The following CLASP1 variants were observed in gnomAD, a reference collection of about 807,000 sequenced individuals.
The protein encoded by CLASP1 is cytoplasmic linker associated protein 1.
Under a neutral mutation model 192.3 loss-of-function variants are expected in CLASP1, and 38 were observed. The ratio of observed to expected loss-of-function variants is 0.20; its 90% CI spans 0.15 to 0.26. CLASP1 has a LOEUF of 0.26. Among genes scored for constraint, CLASP1 ranks in the 10% least tolerant of loss-of-function variants. CLASP1 has a pLI of 1.00. For synonymous variants in CLASP1, 691 were observed against 712.8 expected, an observed-to-expected ratio of 0.97 and a Z score of 0.49; for missense variants, 1,433 against 1,932.5, an observed-to-expected ratio of 0.74 and a Z score of 4.85.
rs71398038 is a variant in CLASP1 at position 121,633,007 on chromosome 2, C to CATATATATATATATAT, written c.-286+16349_-286+16364dup. On this transcript the variant is annotated intron_variant, in intron 1 of 39. Coordinates refer to ENST00000263710, the Ensembl canonical transcript of CLASP1. ...GTGTGTATATATATGTATGTGTGTG[C>CATATATATATATATAT]ATATATATATATATATATATAGGCT... 6.4e-4 allele frequency among the ~76,000 whole-genome samples: 74 copies of CATATATATATATATAT among 115,554 alleles called. 1 individual carries two copies. Among genetic ancestry groups the CATATATATATATATAT allele is most frequent in the African/African-American group, 2.5e-3 (66 of 26,510 alleles). 75.8% of individuals were successfully genotyped at this position (115,554 alleles called of 152,430 possible). A position where few individuals can be genotyped will look rare whatever the true frequency, so the allele number is the denominator to read the frequency against.
chr2:121,569,712 G>A (rs766450224), intron 2 of CLASP1, among the ~76,000 whole-genome samples: 8 of 152,038 alleles, frequency 5.3e-5, no homozygotes, highest in African/African-American at 1.4e-4. Flanking sequence ...GTGGTGGTGC[G>A]TGCCTGTAGT....
intron 22 of CLASP1, among the ~76,000 whole-genome samples, chr2:121,421,998 G>C (rs2079585347): frequency 6.6e-6 from 1 of 152,206 alleles, no homozygotes; most frequent in African/African-American, 2.4e-5. Flanking sequence ...AAGAGGGAGA[G>C]ACCAGGAAAA....
chr2:121,528,034 C>T (rs1241884519), intron 4 of CLASP1, 144 bp from the exon 5 acceptor site: 35 of 598,884 alleles, frequency 5.8e-5, no homozygotes, highest in Non-Finnish European at 8.1e-5. Flanking sequence ...CGAGAGCATA[C>T]TGGAAAATGA....
At chr2:121,594,609 T>C (rs1453311758) in intron 2 of CLASP1, among the ~76,000 whole-genome samples, 1 of 152,004 alleles carries the variant, frequency 6.6e-6, no homozygotes, top group Admixed American at 6.6e-5. Context: ...GCCAGAATGG[T>C]CTCCATCTCC....
intron 14 of CLASP1, among the ~76,000 whole-genome samples, chr2:121,454,972 A>G (rs1300381627): frequency 6.6e-6 from 1 of 152,248 alleles, no homozygotes; most frequent in African/African-American, 2.4e-5. Context: ...CTAACAAGTC[A>G]AACGAGTAAG....
At chr2:121,455,097 A>C (rs963197382) in intron 14 of CLASP1, among the ~76,000 whole-genome samples, 2 of 152,062 alleles carry the variant, frequency 1.3e-5, no homozygotes. Flanking sequence ...TTCCACTCTA[A>C]CCCCAGGAGA....
intron 8 of CLASP1, among the ~76,000 whole-genome samples, chr2:121,473,505 C>T (rs1157522566): frequency 3.3e-5 from 5 of 152,080 alleles, no homozygotes; most frequent in Admixed American, 1.3e-4. Flanking sequence ...AGCAGTCTAA[C>T]ACACACAACA....
intron 32 of CLASP1, among the ~76,000 whole-genome samples, chr2:121,385,065 A>G (rs554329183): frequency 3.9e-5 from 6 of 151,990 alleles, no homozygotes; most frequent in South Asian, 2.1e-4. Context: ...AGATCTGTCT[A>G]TCTGTCTGTA....
Position 121,425,095 on chromosome 2 carries a change from G to A in CLASP1, c.2212+44C>T, listed in dbSNP as rs74384119. 6.2e-4 allele frequency: 966 copies of A among 1,546,554 alleles called. 13 individuals carry two copies. In the East Asian group the frequency reaches 0.019, roughly 31 times the overall value. On this transcript the variant is annotated intron_variant, in intron 22 of 39. Coordinates refer to ENST00000263710, the Ensembl canonical transcript of CLASP1. ...GTCATTAGATTATAATCAAAACTAT[G>A]ACCAAGCTGGGAATGGTATTCCAAG...
At chr2:121,348,298 C>G (rs1273059546) in intron 38 of CLASP1, among the ~76,000 whole-genome samples, 1 of 152,176 alleles carries the variant, frequency 6.6e-6, no homozygotes, top group Non-Finnish European at 1.5e-5. Context: ...CTGTGAGCTG[C>G]CAGGAAAGCA....
At chr2:121,338,082 T>G (rs2062485728) in exon 40 of CLASP1, 1 of 152,400 alleles carries the variant, frequency 6.6e-6, no homozygotes, top group Admixed American at 6.5e-5. Flanking sequence ...TTTCCAAACA[T>G]TATTGTTAGC....
At chr2:121,346,198 G>A (rs1423475117) in intron 39 of CLASP1, among the ~76,000 whole-genome samples, 1 of 152,192 alleles carries the variant, frequency 6.6e-6, no homozygotes, top group Non-Finnish European at 1.5e-5. Context: ...AAAAAGGTGG[G>A]GATTTTAAAC....
At chr2:121,610,570 G>T (rs1442877291) in intron 1 of CLASP1, among the ~76,000 whole-genome samples, 1 of 149,484 alleles carries the variant, frequency 6.7e-6, no homozygotes, top group East Asian at 2.0e-4. Flanking sequence ...GGAGTTACAG[G>T]AGGAAGAGGA....
At chr2:121,444,847 G>T in intron 19 of CLASP1, 3 of 753,986 alleles carry the variant, frequency 4.0e-6, no homozygotes, top group Non-Finnish European at 6.2e-6. Flanking sequence ...CAGGGACCTT[G>T]GTGAGGACAA....
intron 6 of CLASP1, among the ~76,000 whole-genome samples, chr2:121,519,507 T>C (rs910989367): frequency 6.6e-6 from 1 of 152,278 alleles, no homozygotes; most frequent in East Asian, 1.9e-4. Flanking sequence ...GTTAAAAATA[T>C]AAGTCTCCCA....
At chr2:121,630,860 CAAA>C (rs35476221) in intron 1 of CLASP1, among the ~76,000 whole-genome samples, 6 of 78,436 alleles carry the variant, frequency 7.6e-5, no homozygotes, top group African/African-American at 7.2e-5. Context: ...AACTACGTCT[CAAA>C]AAAAAAAAAA....
chr2:121,427,341 T>TG (rs1447993295), intron 21 of CLASP1, 63 bp downstream of exon 21: 7 of 1,569,336 alleles, frequency 4.5e-6, no homozygotes, highest in Non-Finnish European at 6.1e-6. Context: ...GCAAGGAACA[T>TG]GGGGTCGGGG....
intron 21 of CLASP1, among the ~76,000 whole-genome samples, chr2:121,426,312 A>G (rs2080369496): frequency 6.6e-6 from 1 of 152,228 alleles, no homozygotes; most frequent in African/African-American, 2.4e-5. Context: ...TTATGAAAGA[A>G]TAATTGTCCA....
intron 7 of CLASP1, among the ~76,000 whole-genome samples, chr2:121,513,777 A>G (rs895733725): frequency 6.6e-5 from 10 of 152,232 alleles, no homozygotes; most frequent in African/African-American, 2.4e-4. Context: ...ATCCCTCAGC[A>G]GTGAGTTGTA....
Sources: allele counts gnomAD v4.1 joint callset (sites outside exome capture counted in the v4.1 genomes callset), GRCh38; gene constraint gnomAD v4.1.1; transcripts MANE v1.5; gene names NCBI Gene and HGNC (gene_info 2026-07-23, HGNC 2026-07-21).